SLMAP: variants seen among roughly 807,000 people sequenced by gnomAD.
The protein encoded by SLMAP is sarcolemma associated protein.
A neutral mutation model predicts 128.8 loss-of-function variants in SLMAP; 44 were observed. The observed-to-expected ratio is 0.34, with a 90% confidence interval of 0.27 to 0.44. The LOEUF (loss-of-function observed/expected upper bound fraction) is 0.44, where lower values mean the gene tolerates loss of function less well. SLMAP is among the 20% of genes least tolerant of loss of function. The probability of loss-of-function intolerance (pLI) is 1.00; values close to 1 mark genes in which losing one functional copy is unlikely to be tolerated. For synonymous variants in SLMAP, 327 were observed against 348.8 expected (o/e 0.94, Z 0.70); for missense variants, 787 against 985.3 (o/e 0.80, Z 2.69).
intron 10 of SLMAP, 58 bp downstream of exon 10, chr3:57,862,144 A>G (rs541328649): frequency 7.2e-7 from 1 of 1,393,402 alleles, no homozygotes; most frequent in Non-Finnish European, 9.9e-7. Flanking sequence ...CACACTAGAT[A>G]GCTTAAGATT....
At chr3:57,920,400 T>G (rs888453743) in intron 22 of SLMAP, among the ~76,000 whole-genome samples, 2 of 152,228 alleles carry the variant, frequency 1.3e-5, no homozygotes, top group African/African-American at 2.4e-5. Flanking sequence ...CTTTTTCTGG[T>G]GACCTCTGTG....
At chr3:57,882,007 T>TTAAATAAA (rs367882992) in intron 14 of SLMAP, among the ~76,000 whole-genome samples, 16 of 152,074 alleles carry the variant, frequency 1.1e-4, no homozygotes, top group African/African-American at 3.6e-4. Context: ...ATGCCATATC[T>TTAAATAAA]TAAATAAATA....
chr3:57,906,079 A>G (rs1196226631), intron 17 of SLMAP, among the ~76,000 whole-genome samples: 1 of 148,498 alleles, frequency 6.7e-6, no homozygotes, highest in East Asian at 2.0e-4. Flanking sequence ...AAAGAGCATT[A>G]TCCTATATAA....
intron 2 of SLMAP, among the ~76,000 whole-genome samples, chr3:57,769,435 C>A (rs528020430): frequency 6.6e-6 from 1 of 152,014 alleles, no homozygotes; most frequent in Non-Finnish European, 1.5e-5. Context: ...CCTCGTGATC[C>A]GCCCGCCTTG....
rs552683715 is a variant in SLMAP at position 57,836,448 on chromosome 3, A to G, written c.347-4851A>G. Among the ~76,000 whole-genome samples, 8 of 152,322 alleles carry G rather than the reference A, an allele frequency of 5.3e-5. No homozygotes were observed. In the East Asian group the frequency reaches 1.2e-3, roughly 22 times the overall value. On this transcript the variant is annotated intron_variant, in intron 3 of 24. Coordinates refer to ENST00000671191, the MANE Select transcript of SLMAP (RefSeq NM_001377540.1). Reference sequence around the variant, plus strand: ...ACATGAGCCTAATACCACTGAACATATCGGTTCATATTAGTGTCATTTCTG... The same window carrying G: ...ACATGAGCCTAATACCACTGAACATGTCGGTTCATATTAGTGTCATTTCTG...
Position 57,917,062 on chromosome 3 carries a change from G to A in SLMAP, c.2295G>A (p.Lys765=), listed in dbSNP as rs2096827357. The change falls in exon 22 of 25, where the codon AAG becomes AAA. Residue 765 remains lysine, a synonymous_variant. Transcript: ENST00000671191. ...TLLSKAENQA[K]DVQKEYEKTQ... ...TCAGTAAGGCAGAAAACCAAGCAAAGGATGTGCAGAAAGAGGTAAAGCGAA... is the reference window on the plus strand; with the variant it reads ...TCAGTAAGGCAGAAAACCAAGCAAAAGATGTGCAGAAAGAGGTAAAGCGAA... The A allele has an allele frequency of 1.2e-6, 2 of 1,613,702 alleles. No homozygotes were observed. Among genetic ancestry groups the A allele is most frequent in the South Asian group, 2.2e-5 (2 of 91,074 alleles).
At position 57,853,957 on chromosome 3, in the gene SLMAP, A is replaced by ATATATT. The variant is rs1553881008; in HGVS notation, c.520-3771_520-3770insTTATAT. Among the ~76,000 whole-genome samples the ATATATT allele has an allele frequency of 2.3e-4, 9 of 38,422 alleles. No homozygotes were observed. The Admixed American group carries it at 2.5e-3, about 10-fold the overall frequency. 25.2% of individuals were successfully genotyped at this position (38,422 alleles called of 152,430 possible). A position where few individuals can be genotyped will look rare whatever the true frequency, so the allele number is the denominator to read the frequency against. On this transcript the variant is annotated intron_variant, in intron 6 of 24. Transcript: ENST00000671191. ...ATTCTGTCTCAAAAAAAAAAAAATT[A>ATATATT]TATATATATATATATATATATATAT...
rs533885708 is a variant in SLMAP, at chr3:57,771,637, C to G, written c.198+13788C>G. The stretch of plus-strand genomic sequence containing the variant: ...GAACTTTGGGCTCAAATGATCCCCC[C>G]ACCTTGGCCTCCCAGACTGCTGGGA... On this transcript the variant is annotated intron_variant, in intron 2 of 24. Coordinates refer to ENST00000671191, the MANE Select transcript of SLMAP (RefSeq NM_001377540.1). Among the ~76,000 whole-genome samples, 14 of 152,262 alleles carry G rather than the reference C, an allele frequency of 9.2e-5. No homozygotes were observed. The South Asian group carries it at 2.9e-3, about 32-fold the overall frequency.
intron 22 of SLMAP, 38 bp downstream of exon 22, chr3:57,917,115 G>C (rs1170981988): frequency 6.2e-6 from 10 of 1,612,056 alleles, no homozygotes; most frequent in Non-Finnish European, 8.5e-6. Context: ...ATTATGGTTG[G>C]ACTTAAAGCC....
chr3:57,876,922 C>G (rs114784073), intron 14 of SLMAP, among the ~76,000 whole-genome samples: 86 of 152,258 alleles, frequency 5.6e-4, no homozygotes, highest in African/African-American at 2.1e-3. Flanking sequence ...TTGCCAGATG[C>G]CAGAGAAATT....
intron 14 of SLMAP, among the ~76,000 whole-genome samples, chr3:57,875,440 A>C (rs901625979): frequency 6.6e-6 from 1 of 152,136 alleles, no homozygotes; most frequent in Admixed American, 6.6e-5. Context: ...GCTTAAACCC[A>C]TGAGGTTGAG....
At chr3:57,856,262 G>A (rs1010929046) in intron 6 of SLMAP, among the ~76,000 whole-genome samples, 7 of 152,012 alleles carry the variant, frequency 4.6e-5, no homozygotes, top group Non-Finnish European at 8.8e-5. Flanking sequence ...TCAATAATAA[G>A]CTAACCTTAG....
chr3:57,913,128 A>G, intron 20 of SLMAP, 30 bp from the exon 21 acceptor site: 1 of 990,754 alleles, frequency 1.0e-6, no homozygotes, highest in Non-Finnish European at 1.6e-6. Flanking sequence ...ATATTTCTGT[A>G]TTAACAAATA....
At chr3:57,840,372 C>G (rs1215782618) in intron 3 of SLMAP, among the ~76,000 whole-genome samples, 1 of 152,216 alleles carries the variant, frequency 6.6e-6, no homozygotes, top group Non-Finnish European at 1.5e-5. Flanking sequence ...ACCACCACTC[C>G]CCTAATCATG....
chr3:57,818,146 T>TTTTTG (rs773534382), intron 2 of SLMAP, among the ~76,000 whole-genome samples: 4 of 146,580 alleles, frequency 2.7e-5, no homozygotes, highest in Non-Finnish European at 4.6e-5. Flanking sequence ...CCTGATTTCT[T>TTTTTG]TTTTGTTTTG....
At chr3:57,899,256 TG>T (rs2096311064) in intron 17 of SLMAP, 1 of 152,122 alleles carries the variant, frequency 6.6e-6, no homozygotes, top group Non-Finnish European at 1.5e-5. Context: ...CAATATAGCC[TG>T]GGAAGTCAGA....
chr3:57,777,910 A>G (rs369476495), intron 2 of SLMAP, among the ~76,000 whole-genome samples: 2 of 152,342 alleles, frequency 1.3e-5, no homozygotes, highest in South Asian at 2.1e-4. Context: ...TTTGTTGTTG[A>G]TATGGTGAAT....
intron 10 of SLMAP, among the ~76,000 whole-genome samples, chr3:57,862,565 G>T (rs1470202706): frequency 1.3e-5 from 2 of 149,016 alleles, no homozygotes; most frequent in Non-Finnish European, 3.0e-5. Flanking sequence ...TTGAACCCAG[G>T]AGGCAGAGGT....
chr3:57,902,304 G>A (rs2153667502), intron 17 of SLMAP, among the ~76,000 whole-genome samples: 2 of 152,184 alleles, frequency 1.3e-5, no homozygotes, highest in Middle Eastern at 3.4e-3. Context: ...TACAAGAAGA[G>A]TAGATAAAAA....
Sources: allele counts gnomAD v4.1 joint callset (sites outside exome capture counted in the v4.1 genomes callset), GRCh38; gene constraint gnomAD v4.1.1; transcripts MANE v1.5; gene names NCBI Gene and HGNC (gene_info 2026-07-23, HGNC 2026-07-21).